The following GPHN variants were observed in gnomAD, a reference collection of about 807,000 sequenced individuals.
GPHN encodes the protein gephyrin.
A neutral mutation model predicts 95.5 loss-of-function variants in GPHN; 17 were observed. The observed-to-expected ratio is 0.18, with a 90% CI of 0.12 to 0.27. GPHN has a LOEUF of 0.27. Ranked by LOEUF, GPHN falls within the 10% of genes least tolerant of loss-of-function variation. GPHN has a pLI of 1.00. For synonymous variants in GPHN, 320 were observed against 322.5 expected, an observed-to-expected ratio of 0.99 and a Z score of 0.08; for missense variants, 660 against 978.1, an observed-to-expected ratio of 0.67 and a Z score of 4.34.
At chr14:67,667,871 A>G in the GPHN span, among the ~76,000 whole-genome samples, 25,508 of 151,978 alleles carry the variant, frequency 0.17, 2,234 homozygotes, top group African/African-American at 0.23. Flanking sequence ...GTGAACCCGG[A>G]AGGCAGAAGT....
the GPHN span, among the ~76,000 whole-genome samples, chr14:67,419,599 A>G: frequency 6.6e-6 from 1 of 152,152 alleles, no homozygotes; most frequent in Non-Finnish European, 1.5e-5. Flanking sequence ...GCGGTGGCTC[A>G]CGCCTATAAT....
chr14:66,697,888 T>C (rs907355346), intron 2 of GPHN, among the ~76,000 whole-genome samples: 1 of 151,812 alleles, frequency 6.6e-6, no homozygotes, highest in Non-Finnish European at 1.5e-5. Context: ...AGAGAGAGGA[T>C]CTCTCCATGT....
chr14:67,439,479 A>G, the GPHN span, among the ~76,000 whole-genome samples: 1 of 152,208 alleles, frequency 6.6e-6, no homozygotes, highest in Non-Finnish European at 1.5e-5. Flanking sequence ...TGAAAGATTC[A>G]TCCTAGCATA....
At chr14:66,575,403 G>C (rs1159606614) in intron 1 of GPHN, among the ~76,000 whole-genome samples, 2 of 152,152 alleles carry the variant, frequency 1.3e-5, no homozygotes, top group Non-Finnish European at 2.9e-5. Context: ...TAATTTTAAT[G>C]TATCCCAATT....
At chr14:67,474,265 C>CAAAAA in the GPHN span, among the ~76,000 whole-genome samples, 17 of 144,834 alleles carry the variant, frequency 1.2e-4, no homozygotes, top group African/African-American at 3.3e-4. Context: ...AAAAACAAAA[C>CAAAAA]AAAAAAAAAA....
At position 66,790,071 on chromosome 14, in the gene GPHN, C is replaced by G. The variant is rs555445306; in HGVS notation, c.201+13550C>G. On this transcript the variant is annotated intron_variant, in intron 3 of 22. Transcript: ENST00000478722. Reference sequence around the variant, plus strand: ...TTTTCCCAAAATGGGGTCTGTGGTGCCTTCTCTGTTTTTCCCTAGGCTGTT... The same window carrying G: ...TTTTCCCAAAATGGGGTCTGTGGTGGCTTCTCTGTTTTTCCCTAGGCTGTT... Among the ~76,000 whole-genome samples, 3 of 152,270 alleles carry G rather than the reference C, an allele frequency of 2.0e-5. No individual in the cohort carries two copies. The East Asian group carries it at 5.8e-4, about 29-fold the overall frequency.
At chr14:66,574,885 A>T (rs2060843414) in intron 1 of GPHN, among the ~76,000 whole-genome samples, 1 of 151,996 alleles carries the variant, frequency 6.6e-6, no homozygotes, top group Non-Finnish European at 1.5e-5. Context: ...CAAGAGTTAC[A>T]CCCCTCCCCT....
chr14:66,531,555 A>G (rs1053233120), intron 1 of GPHN, among the ~76,000 whole-genome samples: 3 of 152,356 alleles, frequency 2.0e-5, no homozygotes, highest in African/African-American at 7.2e-5. Flanking sequence ...TGAATAATGC[A>G]GTCTTCCCAA....
At chr14:67,268,497 A>G in the GPHN span, among the ~76,000 whole-genome samples, 1 of 152,192 alleles carries the variant, frequency 6.6e-6, no homozygotes, top group Non-Finnish European at 1.5e-5. Context: ...TTACTTCTTG[A>G]TTATATTCTA....
intron 2 of GPHN, among the ~76,000 whole-genome samples, chr14:66,748,445 T>TA (rs1344951326): frequency 2.6e-5 from 4 of 152,004 alleles, no homozygotes; most frequent in Non-Finnish European, 5.9e-5. Flanking sequence ...CCCTGCACCC[T>TA]TACATGCATA....
At chr14:66,891,765 T>C (rs902003637) in intron 5 of GPHN, among the ~76,000 whole-genome samples, 2 of 138,718 alleles carry the variant, frequency 1.4e-5, no homozygotes, top group African/African-American at 5.0e-5. Context: ...TATATATATT[T>C]TTTTTAATTC....
At chr14:67,323,948 C>A in the GPHN span, 1 of 537,866 alleles carries the variant, frequency 1.9e-6, no homozygotes, top group South Asian at 2.6e-5. Context: ...ATTACTTGCC[C>A]AAAAATTGCC....
At chr14:67,103,112 C>T (rs2077811943) in intron 13 of GPHN, among the ~76,000 whole-genome samples, 2 of 152,092 alleles carry the variant, frequency 1.3e-5, no homozygotes, top group South Asian at 4.1e-4. Context: ...CAGAGTCTTG[C>T]TCTGTTGCCC....
intron 9 of GPHN, among the ~76,000 whole-genome samples, chr14:67,003,489 A>G (rs996833411): frequency 2.0e-5 from 3 of 150,580 alleles, no homozygotes; most frequent in Non-Finnish European, 4.5e-5. Context: ...ATTTTACCTG[A>G]CAAATTCTGA....
chr14:67,467,795 A>T, the GPHN span: 8 of 152,162 alleles, frequency 5.3e-5, no homozygotes, highest in Non-Finnish European at 1.2e-4. Context: ...CTGCAGAGAA[A>T]TGTGGTAAAT....
At chr14:67,324,374 A>T in the GPHN span, among the ~76,000 whole-genome samples, 1 of 152,168 alleles carries the variant, frequency 6.6e-6, no homozygotes, top group Non-Finnish European at 1.5e-5. Context: ...AATATGTAAG[A>T]TGGTAACTCT....
chr14:66,712,580 T>C (rs1221034105), intron 2 of GPHN, among the ~76,000 whole-genome samples: 1 of 152,236 alleles, frequency 6.6e-6, no homozygotes, highest in Non-Finnish European at 1.5e-5. Flanking sequence ...TCTCCTGTTC[T>C]GTAGGTTGCC....
intron 1 of GPHN, among the ~76,000 whole-genome samples, chr14:66,673,135 C>T (rs372592238): frequency 1.4e-4 from 21 of 152,128 alleles, no homozygotes; most frequent in East Asian, 3.9e-4. Context: ...CTCTGTCTCC[C>T]GGGCTGGAGT....
chr14:66,790,164 A>C (rs541151798), intron 3 of GPHN, among the ~76,000 whole-genome samples: 14 of 152,310 alleles, frequency 9.2e-5, no homozygotes, highest in African/African-American at 3.4e-4. Context: ...TTTTTTTAAA[A>C]ATCTCTTATT....
Sources: allele counts gnomAD v4.1 joint callset (sites outside exome capture counted in the v4.1 genomes callset), GRCh38; gene constraint gnomAD v4.1.1; transcripts MANE v1.5; gene names NCBI Gene and HGNC (gene_info 2026-07-23, HGNC 2026-07-21).